The following SH3GL2 variants were observed in gnomAD, a reference collection of about 807,000 sequenced individuals.
SH3GL2 encodes the protein endophilin-A1.
In SH3GL2, 24 loss-of-function variants were observed where a neutral mutation model predicts 46.0. The ratio of observed to expected loss-of-function variants is 0.52; its 90% confidence interval spans 0.38 to 0.73. The LOEUF is 0.73. Ranked by LOEUF, SH3GL2 falls within the 30% of genes least tolerant of loss-of-function variation. SH3GL2 has a pLI of 0.00. For synonymous variants in SH3GL2, 196 were observed against 147.1 expected (o/e 1.33, Z -2.40); for missense variants, 413 against 424.2 (o/e 0.97, Z 0.23).
intron 1 of SH3GL2, among the ~76,000 whole-genome samples, chr9:17,680,780 T>G (rs1180820021): frequency 6.6e-6 from 1 of 152,218 alleles, no homozygotes; most frequent in East Asian, 1.9e-4. Context: ...GCTATAAATT[T>G]CCCTGTACAC....
chr9:17,670,653 C>G (rs944147672), intron 1 of SH3GL2, among the ~76,000 whole-genome samples: 1 of 152,226 alleles, frequency 6.6e-6, no homozygotes, highest in East Asian at 1.9e-4. Flanking sequence ...TAGCTCTTGA[C>G]TATCTTTAGT....
At chr9:17,784,442 T>A (rs1322954514) in intron 3 of SH3GL2, among the ~76,000 whole-genome samples, 1 of 152,198 alleles carries the variant, frequency 6.6e-6, no homozygotes, top group Non-Finnish European at 1.5e-5. Flanking sequence ...GTTTCATTAC[T>A]CTGTTTCTCC....
At chr9:17,679,215 C>T (rs1430450763) in intron 1 of SH3GL2, among the ~76,000 whole-genome samples, 3 of 152,076 alleles carry the variant, frequency 2.0e-5, no homozygotes, top group Admixed American at 6.6e-5. Flanking sequence ...CCATAAATTA[C>T]CTTGGGCAGT....
At chr9:17,618,379 C>G (rs1330713505) in intron 1 of SH3GL2, among the ~76,000 whole-genome samples, 1 of 152,200 alleles carries the variant, frequency 6.6e-6, no homozygotes, top group South Asian at 2.1e-4. Context: ...TTGTTACTTT[C>G]TTCATACATG....
chr9:17,667,115 T>C (rs1049674005), intron 1 of SH3GL2, among the ~76,000 whole-genome samples: 1 of 152,170 alleles, frequency 6.6e-6, no homozygotes, highest in Non-Finnish European at 1.5e-5. Context: ...TTTAAACATA[T>C]TTGGTATATA....
At chr9:17,579,873 G>C (rs1818244964) in intron 1 of SH3GL2, among the ~76,000 whole-genome samples, 1 of 152,210 alleles carries the variant, frequency 6.6e-6, no homozygotes, top group African/African-American at 2.4e-5. Flanking sequence ...CTTTTACCTG[G>C]AGAACTCGGT....
intron 1 of SH3GL2, among the ~76,000 whole-genome samples, chr9:17,715,394 CA>C (rs920736293): frequency 6.6e-6 from 1 of 151,678 alleles, no homozygotes; most frequent in Non-Finnish European, 1.5e-5. Context: ...ATTACTTTTT[CA>C]AAATTTTTTT....
intron 1 of SH3GL2, among the ~76,000 whole-genome samples, chr9:17,671,620 G>A (rs1820477324): frequency 6.6e-6 from 1 of 151,872 alleles, no homozygotes; most frequent in Admixed American, 6.6e-5. Flanking sequence ...CATCTATTAT[G>A]TACCTACAAA....
In SH3GL2 at chr9:17,785,256, C is replaced by T. The variant is rs529917667; in HGVS notation, c.188-1125C>T. On this transcript the variant is annotated intron_variant, in intron 3 of 8. Transcript: ENST00000380607. ...CTCTCCTCAATCCCCCATCAAGGCA[C>T]TTGGCATATTTACTTCACTCTAATT... is the stretch of plus-strand genomic sequence containing the variant. Among the ~76,000 whole-genome samples the T allele has an allele frequency of 3.9e-5, 6 of 152,290 alleles. No individual in the cohort carries two copies. In the South Asian group the frequency reaches 1.0e-3, roughly 26 times the overall value.
In SH3GL2 at chr9:17,786,530, A is replaced by G; in HGVS notation, c.331+6A>G. The G allele has an allele frequency of 6.2e-7, 1 of 1,612,714 alleles. No individual in the cohort carries two copies. Among genetic ancestry groups the G allele is most frequent in the Admixed American group, 1.7e-5 (1 of 59,846 alleles). The stretch of plus-strand genomic sequence containing the variant: ...TGGAGATGATTGCAACTTTGGTAAC[A>G]AGTGCTTCCTCACATTGTAATTCTT... On this transcript the variant is annotated splice_donor_region_variant and intron_variant, in intron 4 of 8. Transcript: ENST00000380607.
chr9:17,597,086 T>A (rs926666075), intron 1 of SH3GL2, among the ~76,000 whole-genome samples: 1 of 152,242 alleles, frequency 6.6e-6, no homozygotes, highest in South Asian at 2.1e-4. Context: ...TATTAACTTG[T>A]AAGCTGAGAA....
chr9:17,608,304 C>T (rs1410644873), intron 1 of SH3GL2, among the ~76,000 whole-genome samples: 2 of 152,008 alleles, frequency 1.3e-5, no homozygotes. Context: ...CCCACCACCA[C>T]ACCTGGCTAA....
intron 1 of SH3GL2, among the ~76,000 whole-genome samples, chr9:17,681,277 G>T (rs565744406): frequency 6.6e-6 from 1 of 152,182 alleles, no homozygotes; most frequent in African/African-American, 2.4e-5. Context: ...TAATCAGTAT[G>T]TGGTGGAAGA....
intron 1 of SH3GL2, among the ~76,000 whole-genome samples, chr9:17,686,586 A>G (rs2118089353): frequency 6.8e-6 from 1 of 146,854 alleles, no homozygotes; most frequent in Admixed American, 7.2e-5. Context: ...TGGCACATAT[A>G]CACCATGGAA....
At chr9:17,656,258 C>G (rs1326561941) in intron 1 of SH3GL2, among the ~76,000 whole-genome samples, 1 of 151,930 alleles carries the variant, frequency 6.6e-6, no homozygotes, top group East Asian at 1.9e-4. Flanking sequence ...GAAAGTTACC[C>G]ATGGATAGAT....
At chr9:17,669,425 T>G (rs1820420397) in intron 1 of SH3GL2, among the ~76,000 whole-genome samples, 1 of 152,174 alleles carries the variant, frequency 6.6e-6, no homozygotes, top group Non-Finnish European at 1.5e-5. Flanking sequence ...CCGTACCCAC[T>G]TCCTCTTTCA....
chr9:17,755,568 C>A (rs891815613), intron 2 of SH3GL2, among the ~76,000 whole-genome samples: 18 of 152,210 alleles, frequency 1.2e-4, no homozygotes, highest in Admixed American at 1.2e-3. Flanking sequence ...TCCCAAAGCA[C>A]TGGGGTAACA....
chr9:17,715,143 T>C (rs1378150228), intron 1 of SH3GL2, among the ~76,000 whole-genome samples: 1 of 151,656 alleles, frequency 6.6e-6, no homozygotes, highest in African/African-American at 2.4e-5. Context: ...GTATTTAAGA[T>C]TTTTTTCCTT....
intron 1 of SH3GL2, among the ~76,000 whole-genome samples, chr9:17,652,136 G>A (rs1447440238): frequency 6.6e-6 from 1 of 151,950 alleles, no homozygotes; most frequent in Non-Finnish European, 1.5e-5. Flanking sequence ...CCCTTTGGTG[G>A]ATTTAGTTAT....
Sources: gnomAD v4.1 joint callset for allele counts (sites outside exome capture counted in the v4.1 genomes callset) on GRCh38, gnomAD v4.1.1 for gene constraint, MANE v1.5 for transcripts, NCBI Gene and HGNC (gene_info 2026-07-23, HGNC 2026-07-21) for gene names.